PRMT7: variants seen among roughly 807,000 people sequenced by gnomAD.
PRMT7 encodes the protein protein arginine methyltransferase 7.
In PRMT7, 75 loss-of-function variants were observed where a neutral mutation model predicts 85.4. The observed-to-expected ratio is 0.88, with a 90% CI of 0.73 to 1.06. The LOEUF (loss-of-function observed/expected upper bound fraction) is 1.06, where lower values mean the gene tolerates loss of function less well. Ranked by LOEUF, PRMT7 falls within the 50% of genes least tolerant of loss-of-function variation. The pLI, the probability that PRMT7 is intolerant of heterozygous loss-of-function variation, is 0.00. For missense variants in PRMT7, 868 were observed against 915.2 expected (o/e 0.95, Z 0.67); for synonymous variants, 397 against 359.5 (o/e 1.10, Z -1.18).
Position 68,315,957 on chromosome 16 carries a change from A to G in PRMT7, c.-23A>G, listed in dbSNP as rs376298898. On this transcript the variant is annotated 5_prime_UTR_variant, in exon 3 of 19. Transcript: ENST00000441236. ...CTGGCAAGGCTGCTTTTCTGTGCTA[A>G]AACTGGGGAGCTAGTGGGCACCATG... 77 of 1,610,046 alleles carry G rather than the reference A, an allele frequency of 4.8e-5. No individual in the cohort carries two copies. The highest frequency in any genetic ancestry group is 5.1e-5 in the Non-Finnish European group (60 of 1,177,172).
intron 9 of PRMT7, 47 bp downstream of exon 9, chr16:68,340,015 C>G (rs986955891): frequency 6.6e-7 from 1 of 1,524,030 alleles, no homozygotes; most frequent in Non-Finnish European, 8.9e-7. Flanking sequence ...AACTTGTCCA[C>G]TGCTGTTCAT....
rs779795340 is a variant in PRMT7 at position 68,352,250 on chromosome 16, C to A, written c.1416C>A (p.Val472=). The A allele has an allele frequency of 1.9e-6, 3 of 1,612,954 alleles. No homozygotes were observed. The highest frequency in any genetic ancestry group is 2.5e-6 in the Non-Finnish European group (3 of 1,179,834). Residue 472 remains valine (V), a splice_region_variant and synonymous_variant, in exon 15 of 19, where the codon GTC becomes GTA. Transcript: ENST00000441236. ...CCTGCTTCTCGCCCATTCACCAGGT[C>A]TCTCTCCTCCTGGGCGAGCCGTTCT... The part of the protein sequence containing the change: ...LTNEDLQGRK[V]SLLLGEPFFT...
At chr16:68,334,103 C>T (rs1368971165) in intron 6 of PRMT7, among the ~76,000 whole-genome samples, 1 of 152,166 alleles carries the variant, frequency 6.6e-6, no homozygotes, top group East Asian at 1.9e-4. Flanking sequence ...TAGCGCTTAC[C>T]ACTGCAATCA....
At chr16:68,322,939 C>T (rs1204616082) in intron 4 of PRMT7, among the ~76,000 whole-genome samples, 6 of 151,772 alleles carry the variant, frequency 4.0e-5, no homozygotes, top group Admixed American at 6.6e-5. Flanking sequence ...GAGGCTGATG[C>T]GGGAGAATGG....
intron 15 of PRMT7, 168 bp from the exon 16 acceptor site, chr16:68,353,324 C>T: frequency 7.1e-7 from 1 of 1,415,290 alleles, no homozygotes; most frequent in East Asian, 2.8e-5. Context: ...CCGCCCAGCC[C>T]AGTCTGTTAC....
chr16:68,319,590 T>TAAAAAA (rs58594681), intron 3 of PRMT7, among the ~76,000 whole-genome samples: 1 of 135,880 alleles, frequency 7.4e-6, no homozygotes, highest in African/African-American at 2.7e-5. Flanking sequence ...GATGTGCCAT[T>TAAAAAA]AAAAAAAAAA....
At chr16:68,359,178 AGGCAGTC>A (rs1470622243), downstream of PRMT7, 1 of 152,400 alleles carries the variant, frequency 6.6e-6, no homozygotes, top group Non-Finnish European at 1.5e-5. Flanking sequence ...CTCCCTGTGC[AGGCAGTC>A]GGCAGGCGGC....
intron 9 of PRMT7, 28 bp downstream of exon 9, chr16:68,339,996 C>T: frequency 6.4e-7 from 1 of 1,573,900 alleles, no homozygotes; most frequent in Non-Finnish European, 8.6e-7. Context: ...AGCATGTGCC[C>T]TGTCAGGAAA....
At chr16:68,322,307 C>A in intron 4 of PRMT7, 1 of 391,634 alleles carries the variant, frequency 2.6e-6, no homozygotes. Flanking sequence ...TTAAGCGATC[C>A]CCCAACCTCA....
intron 9 of PRMT7, among the ~76,000 whole-genome samples, chr16:68,344,933 T>TACACACACACACACACAC (rs368385265): frequency 4.7e-4 from 62 of 131,158 alleles, no homozygotes; most frequent in Middle Eastern, 3.7e-3. Flanking sequence ...CCTGCATCTC[T>TACACACACACACACACAC]ACACACACAC....
At chr16:68,333,004 A>T (rs1003364307) in intron 6 of PRMT7, among the ~76,000 whole-genome samples, 1 of 150,816 alleles carries the variant, frequency 6.6e-6, no homozygotes, top group East Asian at 1.9e-4. Context: ...TCATTTATTT[A>T]TTTTTTTTTG....
At chr16:68,315,842 AT>A (rs1322268228) in intron 2 of PRMT7, 54 bp from the exon 3 acceptor site, 5 of 723,598 alleles carry the variant, frequency 6.9e-6, no homozygotes, top group Non-Finnish European at 1.2e-5. Context: ...CTGTTAATAG[AT>A]TTTTTTTCTG....
intron 6 of PRMT7, among the ~76,000 whole-genome samples, chr16:68,332,246 T>C (rs2084006394): frequency 6.6e-6 from 1 of 152,214 alleles, no homozygotes; most frequent in South Asian, 2.1e-4. Flanking sequence ...TTGTGGACCC[T>C]GTCCTTTGCA....
rs372218579 is a variant in PRMT7 at position 68,357,228 on chromosome 16, C to T, written c.*4C>T. 1.7e-5 allele frequency: 28 copies of T among 1,606,338 alleles called. No homozygotes were observed. The highest frequency in any genetic ancestry group is 3.3e-5 in the South Asian group (3 of 89,888). ...GCATGCAGATACCCCAGACTGACCA[C>T]TCTTGAGCAATAAAGTGGCCTGAGG... On this transcript the variant is annotated 3_prime_UTR_variant, in exon 19 of 19. Transcript: ENST00000441236.
chr16:68,315,548 C>G (rs958377555), intron 2 of PRMT7: 2 of 230,580 alleles, frequency 8.7e-6, no homozygotes, highest in Non-Finnish European at 1.7e-5. Flanking sequence ...TTAACAGTAC[C>G]CCATCTCTTC....
intron 4 of PRMT7, among the ~76,000 whole-genome samples, chr16:68,322,864 C>G (rs2151457876): frequency 6.6e-6 from 1 of 152,014 alleles, no homozygotes; most frequent in African/African-American, 2.4e-5. Flanking sequence ...AACCCCGTCC[C>G]TACTAAAAAT....
At chr16:68,354,422 G>A (rs1053217700) in intron 16 of PRMT7, 1 of 152,258 alleles carries the variant, frequency 6.6e-6, no homozygotes, top group Non-Finnish European at 1.5e-5. Flanking sequence ...GGAAGCAGCG[G>A]TGGCCCCGCA....
intron 9 of PRMT7, among the ~76,000 whole-genome samples, chr16:68,340,172 T>C (rs1044537272): frequency 2.0e-5 from 3 of 152,158 alleles, no homozygotes; most frequent in African/African-American, 7.2e-5. Flanking sequence ...TGAGCACTCA[T>C]GGACACAGTG....
At chr16:68,327,183 G>A (rs1430902693) in intron 5 of PRMT7, among the ~76,000 whole-genome samples, 1 of 152,120 alleles carries the variant, frequency 6.6e-6, no homozygotes, top group Non-Finnish European at 1.5e-5. Flanking sequence ...AAAAAATATA[G>A]TATTCATGGT....
Sources: allele counts gnomAD v4.1 joint callset (sites outside exome capture counted in the v4.1 genomes callset), GRCh38; gene constraint gnomAD v4.1.1; transcripts MANE v1.5; gene names NCBI Gene and HGNC (gene_info 2026-07-23, HGNC 2026-07-21).